The following ADAMTS2 variants were observed in gnomAD, a reference collection of about 807,000 sequenced individuals.
ADAMTS2 encodes A disintegrin and metalloproteinase with thrombospondin motifs 2.
Under a neutral mutation model 123.0 loss-of-function variants are expected in ADAMTS2, and 50 were observed. The observed-to-expected ratio is 0.41, with a 90% CI of 0.32 to 0.51. ADAMTS2 has a LOEUF of 0.51. ADAMTS2 is among the 20% of genes least tolerant of loss of function. The pLI is 0.35. For missense variants in ADAMTS2, 1,494 were observed against 1,705.2 expected, an observed-to-expected ratio of 0.88 and a Z score of 2.18; for synonymous variants, 678 against 695.4, an observed-to-expected ratio of 0.98 and a Z score of 0.39.
rs2113161951 is a variant in ADAMTS2, at chr5:179,114,266, A to G, written c.3237T>C (p.Tyr1079=). 6.2e-7 allele frequency: 1 copy of G among 1,614,190 alleles called. No homozygotes were observed. Among genetic ancestry groups the G allele is most frequent in the Non-Finnish European group, 8.5e-7 (1 of 1,180,030 alleles). ...IFCRMEVLSR[Y]CSIPGYNKLC... Reference sequence around the variant, plus strand: ...GCTTGTTGTAGCCTGGGATGGAGCAATAGCGGGACAAGACTTCCATCCTAC... The same window carrying G: ...GCTTGTTGTAGCCTGGGATGGAGCAGTAGCGGGACAAGACTTCCATCCTAC... The change falls in exon 22 of 22, where the codon TAT becomes TAC. Residue 1079 remains tyrosine, a synonymous_variant. Transcript: ENST00000251582.
At chr5:179,320,893 A>AT (rs1233578899) in intron 2 of ADAMTS2, among the ~76,000 whole-genome samples, 3 of 152,062 alleles carry the variant, frequency 2.0e-5, no homozygotes, top group African/African-American at 4.8e-5. Context: ...GCCTGCATCC[A>AT]TTTTTCTGCC....
chr5:179,323,012 A>G (rs1012495158), intron 2 of ADAMTS2, among the ~76,000 whole-genome samples: 2 of 152,190 alleles, frequency 1.3e-5, no homozygotes, highest in African/African-American at 4.8e-5. Flanking sequence ...GGGAGGCAGA[A>G]CTTGAGCTGC....
In ADAMTS2 at chr5:179,162,333, C is replaced by T. The variant is rs529429337; in HGVS notation, c.976-3454G>A. Reference sequence around the variant, plus strand: ...GATCAGGGTGAACATACAACCAAAGCGGGCCAAGGAGTAGGCAAGGTGTGA... The same window carrying T: ...GATCAGGGTGAACATACAACCAAAGTGGGCCAAGGAGTAGGCAAGGTGTGA... On this transcript the variant is annotated intron_variant, in intron 5 of 21. Coordinates refer to ENST00000251582, the MANE Select transcript of ADAMTS2 (RefSeq NM_014244.5). The surrounding 1 kb of genome is among the most constrained non-coding windows in gnomAD (Gnocchi z 5.1). 2.8e-4 allele frequency among the ~76,000 whole-genome samples: 43 copies of T among 152,244 alleles called. No homozygotes were observed. Among genetic ancestry groups the T allele is most frequent in the African/African-American group, 4.8e-4 (20 of 41,548 alleles).
In ADAMTS2 at chr5:179,155,819, G is replaced by A. The variant is rs1453957154; in HGVS notation, c.1133-900C>T. On this transcript the variant is annotated intron_variant, in intron 6 of 21. Transcript: ENST00000251582. This position sits in a 1 kb window ranked among gnomAD's most constrained non-coding sequence, Gnocchi z 5.1. Reference sequence around the variant, plus strand: ...GCCAAGCATGGAGCCCTGACTTTCAGAACCCCAACCTGCCCTCACTCCTGC... The same window carrying A: ...GCCAAGCATGGAGCCCTGACTTTCAAAACCCCAACCTGCCCTCACTCCTGC... Among the ~76,000 whole-genome samples the A allele has an allele frequency of 6.6e-6, 1 of 152,024 alleles. No homozygotes were observed. Among genetic ancestry groups the A allele is most frequent in the African/African-American group, 2.4e-5 (1 of 41,372 alleles).
In ADAMTS2 at chr5:179,283,549, CAAAA is replaced by C. The variant is rs3986816; in HGVS notation, c.535-10489_535-10486del. ...AAAATATGGTAGACTAGAAAAACAG[CAAAA>C]AAAAAAAAAAAAAAAAATCCAGAAA... On this transcript the variant is annotated intron_variant, in intron 2 of 21. Transcript: ENST00000251582. Among the ~76,000 whole-genome samples the C allele has an allele frequency of 8.2e-4, 42 of 51,330 alleles. 2 individuals are homozygous for C. The highest frequency in any genetic ancestry group is 2.7e-3 in the African/African-American group (28 of 10,522). The allele number at this position is 51,330 out of a possible 152,430, so 33.7% of individuals were successfully genotyped here.
chr5:179,266,791 A>C (rs1052773895), intron 3 of ADAMTS2, among the ~76,000 whole-genome samples: 11 of 148,156 alleles, frequency 7.4e-5, no homozygotes, highest in African/African-American at 2.6e-4. Context: ...CACCTGGGCC[A>C]AGCCTCACAT....
At chr5:179,311,220 G>T (rs564630590) in intron 2 of ADAMTS2, among the ~76,000 whole-genome samples, 3 of 152,178 alleles carry the variant, frequency 2.0e-5, no homozygotes, top group Non-Finnish European at 4.4e-5. Context: ...CTCCCCCAGG[G>T]CCTGGCGCTC....
chr5:179,254,396 G>A (rs1003770331), intron 3 of ADAMTS2, among the ~76,000 whole-genome samples: 3 of 152,200 alleles, frequency 2.0e-5, no homozygotes, highest in African/African-American at 7.2e-5. Flanking sequence ...GGGGAATGGG[G>A]AGTGACTGCT....
intron 1 of ADAMTS2, 49 bp from the exon 2 acceptor site, chr5:179,344,210 GC>G (rs759679163): frequency 1.4e-4 from 208 of 1,534,322 alleles, no homozygotes; most frequent in Non-Finnish European, 1.8e-4. Context: ...GAGCCCCAGT[GC>G]CTCAGAGACC....
chr5:179,272,569 G>C lies in ADAMTS2; in HGVS notation c.688+342C>G, dbSNP rs998345372. ...GGCACTGGACTCAGGCCTGGCCGGGGGCCCCCGCCCCGCTCCACGACACTT... is the reference window on the plus strand; with the variant it reads ...GGCACTGGACTCAGGCCTGGCCGGGCGCCCCCGCCCCGCTCCACGACACTT... On this transcript the variant is annotated intron_variant, in intron 3 of 21. Transcript: ENST00000251582. The surrounding 1 kb of genome is among the most constrained non-coding windows in gnomAD (Gnocchi z 5.8). Among the ~76,000 whole-genome samples, 2 of 152,178 alleles carry C rather than the reference G, an allele frequency of 1.3e-5. No individual in the cohort carries two copies. The highest frequency in any genetic ancestry group is 4.8e-5 in the African/African-American group (2 of 41,444).
Position 179,115,577 on chromosome 5 carries a change from C to T in ADAMTS2, c.3179-1253G>A, listed in dbSNP as rs1012359375. 7.9e-5 allele frequency among the ~76,000 whole-genome samples: 12 copies of T among 151,240 alleles called. No homozygotes were observed. Among genetic ancestry groups the T allele is most frequent in the African/African-American group, 2.9e-4 (12 of 41,082 alleles). ...TTTTCCCTCACTCTCCTTAGTTGAA[C>T]TCATCTACTATTGAAAGGAAGGAAG... On this transcript the variant is annotated intron_variant, in intron 21 of 21. Transcript: ENST00000251582. The surrounding 1 kb of genome is among the most constrained non-coding windows in gnomAD (Gnocchi z 4.4).
At chr5:179,213,033 G>A (rs1764898265) in intron 3 of ADAMTS2, among the ~76,000 whole-genome samples, 1 of 150,520 alleles carries the variant, frequency 6.6e-6, no homozygotes, top group South Asian at 2.1e-4. Flanking sequence ...ACAGGAGCAT[G>A]TTCTGCCCCC....
intron 3 of ADAMTS2, among the ~76,000 whole-genome samples, chr5:179,230,203 G>A (rs573854124): frequency 2.0e-5 from 3 of 152,194 alleles, no homozygotes; most frequent in Non-Finnish European, 2.9e-5. Flanking sequence ...AGGGCTGGGC[G>A]TGAGGTGGGC....
At position 179,117,222 on chromosome 5, in the gene ADAMTS2, T is replaced by G. The variant is rs1437902860; in HGVS notation, c.3179-2898A>C. 6.6e-6 allele frequency among the ~76,000 whole-genome samples: 1 copy of G among 152,082 alleles called. No individual in the cohort carries two copies. The highest frequency in any genetic ancestry group is 1.5e-5 in the Non-Finnish European group (1 of 68,018). ...TCAGGGAAACACAGGGGGTTCTGGA[T>G]AAGAGCTGATGGTGGCCTCCCTTCT... is the stretch of plus-strand genomic sequence containing the variant. On this transcript the variant is annotated intron_variant, in intron 21 of 21. Transcript: ENST00000251582. This position sits in a 1 kb window ranked among gnomAD's most constrained non-coding sequence, Gnocchi z 4.2.
chr5:179,209,571 T>A (rs72818638), intron 3 of ADAMTS2, among the ~76,000 whole-genome samples: 2 of 151,178 alleles, frequency 1.3e-5, no homozygotes, highest in Non-Finnish European at 3.0e-5. Context: ...AGCACACACA[T>A]GCACACACAT....
chr5:179,164,719 A>T (rs371149683), intron 5 of ADAMTS2, among the ~76,000 whole-genome samples: 1 of 152,170 alleles, frequency 6.6e-6, no homozygotes, highest in Non-Finnish European at 1.5e-5. Flanking sequence ...ATCAGTCCCA[A>T]GCCGTAGCTG....
chr5:179,190,290 G>A (rs1194918679), intron 4 of ADAMTS2, among the ~76,000 whole-genome samples: 1 of 152,144 alleles, frequency 6.6e-6, no homozygotes, highest in Non-Finnish European at 1.5e-5. Flanking sequence ...GGGGCAGCAT[G>A]GAAACCTAGA....
At chr5:179,151,482 C>T (rs1763354684) in intron 10 of ADAMTS2, among the ~76,000 whole-genome samples, 1 of 152,216 alleles carries the variant, frequency 6.6e-6, no homozygotes, top group Admixed American at 6.5e-5. Context: ...CCTGCCCCCA[C>T]TGCAGGGCCA....
In ADAMTS2 at chr5:179,170,529, C is replaced by T. The variant is rs945175582; in HGVS notation, c.975+10543G>A. Among the ~76,000 whole-genome samples the T allele has an allele frequency of 6.6e-6, 1 of 152,148 alleles. No homozygotes were observed. On this transcript the variant is annotated intron_variant, in intron 5 of 21. Coordinates refer to ENST00000251582, the MANE Select transcript of ADAMTS2 (RefSeq NM_014244.5). The surrounding 1 kb of genome is among the most constrained non-coding windows in gnomAD (Gnocchi z 4.3). ...CCTTGAAGAGCAGCTCATCAGAATTCATCCCCACCATGTGCCAAACTTTGT... is the reference window on the plus strand; with the variant it reads ...CCTTGAAGAGCAGCTCATCAGAATTTATCCCCACCATGTGCCAAACTTTGT...
Sources: allele counts gnomAD v4.1 joint callset (sites outside exome capture counted in the v4.1 genomes callset), GRCh38; gene constraint gnomAD v4.1.1; non-coding constraint Gnocchi (gnomAD v3.1); transcripts MANE v1.5; gene names NCBI Gene and HGNC (gene_info 2026-07-23, HGNC 2026-07-21).